Variants in FGF14 observed in about 807,000 individuals in gnomAD.
FGF14 encodes fibroblast growth factor homologous factor 4.
A neutral mutation model predicts 25.5 loss-of-function variants in FGF14; 5 were observed. The observed-to-expected ratio is 0.20, with a 90% confidence interval of 0.10 to 0.41. The LOEUF is 0.41. Ranked by LOEUF, FGF14 falls within the 10% of genes least tolerant of loss-of-function variation. FGF14 has a pLI of 1.00. For missense variants in FGF14, 222 were observed against 320.1 expected, an observed-to-expected ratio of 0.69 and a Z score of 2.34; for synonymous variants, 138 against 118.3, an observed-to-expected ratio of 1.17 and a Z score of -1.08.
chr13:102,252,324 C>T lies in FGF14; in HGVS notation c.208+149147G>A, dbSNP rs145354822. ...CAGTATTCAGGTTTTGATTCTCCCA[C>T]TTAACTGCTGTACAACTTTGCTAAG... is the stretch of plus-strand genomic sequence containing the variant. On this transcript the variant is annotated intron_variant, in intron 1 of 4. Coordinates refer to the FGF14 transcript ENST00000376131. Among the ~76,000 whole-genome samples, 1,465 of 152,282 alleles carry T rather than the reference C, an allele frequency of 9.6e-3. 7 individuals are homozygous for T. Among genetic ancestry groups the T allele is most frequent in the Non-Finnish European group, 0.012 (790 of 68,030 alleles).
chr13:101,811,028 AT>A, intron 3 of FGF14, among the ~76,000 whole-genome samples: 1 of 61,930 alleles, frequency 1.6e-5, no homozygotes, highest in South Asian at 6.7e-4. Flanking sequence ...AAACACACAT[AT>A]CCGCCCCCCC....
intron 1 of FGF14, among the ~76,000 whole-genome samples, chr13:102,322,533 T>A (rs2056284506): frequency 6.6e-6 from 1 of 152,134 alleles, no homozygotes; most frequent in Non-Finnish European, 1.5e-5. Context: ...AAGATGCACA[T>A]AATCCTTAAA....
intron 3 of FGF14, among the ~76,000 whole-genome samples, chr13:101,732,205 A>G (rs1487585211): frequency 6.6e-6 from 1 of 152,118 alleles, no homozygotes; most frequent in Admixed American, 6.5e-5. Context: ...TAGCCCACCA[A>G]CTCCACTTAG....
intron 1 of FGF14, among the ~76,000 whole-genome samples, chr13:101,948,779 T>G (rs1435347311): frequency 6.6e-6 from 1 of 152,148 alleles, no homozygotes; most frequent in African/African-American, 2.4e-5. Flanking sequence ...TTTGCCAAAG[T>G]TTTTTAAAAT....
At chr13:101,757,504 A>C (rs1184406113) in intron 3 of FGF14, among the ~76,000 whole-genome samples, 1 of 152,216 alleles carries the variant, frequency 6.6e-6, no homozygotes, top group Non-Finnish European at 1.5e-5. Context: ...AGAAATTGAA[A>C]GTTATTAATT....
rs534024219 is a variant in FGF14, at chr13:102,274,910, T to G, written c.208+126561A>C. On this transcript the variant is annotated intron_variant, in intron 1 of 4. Transcript: ENST00000376131. ...CATTATTTAATAAATAATAAATAAT[T>G]ATTTATTAAATAATGACGAGTAAAA... 2.6e-5 allele frequency among the ~76,000 whole-genome samples: 4 copies of G among 151,254 alleles called. No individual in the cohort carries two copies. The East Asian group carries it at 5.8e-4, about 22-fold the overall frequency.
chr13:102,203,155 T>G (rs2049745049), intron 1 of FGF14, among the ~76,000 whole-genome samples: 1 of 152,208 alleles, frequency 6.6e-6, no homozygotes, highest in South Asian at 2.1e-4. Context: ...TGTTTTCCTT[T>G]GTTTTGATAG....
chr13:101,866,249 G>T (rs1004957322), intron 3 of FGF14, among the ~76,000 whole-genome samples: 4 of 151,902 alleles, frequency 2.6e-5, no homozygotes, highest in Admixed American at 1.3e-4. Flanking sequence ...TTCCCTAAAA[G>T]TTTTTCATTA....
chr13:102,361,204 AG>A (rs1242837049), intron 1 of FGF14, among the ~76,000 whole-genome samples: 2 of 152,176 alleles, frequency 1.3e-5, no homozygotes, highest in Admixed American at 1.3e-4. Context: ...TTCAAAGAAA[AG>A]CAAATGTCAT....
chr13:102,397,434 A>T (rs1396803838), intron 1 of FGF14, among the ~76,000 whole-genome samples: 2 of 152,170 alleles, frequency 1.3e-5, no homozygotes, highest in East Asian at 1.9e-4. Flanking sequence ...AAGAGAATTG[A>T]TGGAATGTTC....
chr13:101,834,366 T>C (rs2042819309), intron 3 of FGF14, among the ~76,000 whole-genome samples: 1 of 151,970 alleles, frequency 6.6e-6, no homozygotes, highest in South Asian at 2.1e-4. Flanking sequence ...ACATTCCAAA[T>C]CAAACCATCA....
chr13:101,843,092 T>G (rs2043271508), intron 3 of FGF14, among the ~76,000 whole-genome samples: 1 of 152,078 alleles, frequency 6.6e-6, no homozygotes, highest in African/African-American at 2.4e-5. Context: ...CATCTCTAAT[T>G]AGGGGTGACC....
At chr13:102,150,238 A>G (rs555257486) in intron 1 of FGF14, among the ~76,000 whole-genome samples, 1 of 151,918 alleles carries the variant, frequency 6.6e-6, no homozygotes, top group South Asian at 2.1e-4. Flanking sequence ...TCTAAAATCT[A>G]TGAAGCCCTA....
At chr13:102,258,561 C>T (rs1470578802) in intron 1 of FGF14, among the ~76,000 whole-genome samples, 1 of 152,084 alleles carries the variant, frequency 6.6e-6, no homozygotes, top group Non-Finnish European at 1.5e-5. Flanking sequence ...ATTTATTGCC[C>T]CCATACCTTC....
At chr13:101,893,898 G>A (rs997416117) in intron 1 of FGF14, among the ~76,000 whole-genome samples, 1 of 152,148 alleles carries the variant, frequency 6.6e-6, no homozygotes, top group African/African-American at 2.4e-5. Flanking sequence ...CACCTGACAA[G>A]ATTCTTAGCA....
chr13:101,979,983 G>A (rs951797486), intron 1 of FGF14, among the ~76,000 whole-genome samples: 3 of 152,124 alleles, frequency 2.0e-5, no homozygotes. Context: ...GAAAACAGCT[G>A]CCCACTCTCA....
At chr13:101,986,671 C>T (rs900588461) in intron 1 of FGF14, among the ~76,000 whole-genome samples, 1 of 152,060 alleles carries the variant, frequency 6.6e-6, no homozygotes, top group Non-Finnish European at 1.5e-5. Flanking sequence ...GAGCAAGTAG[C>T]ATCTTTGAGA....
chr13:101,769,733 C>T (rs2038638914), intron 3 of FGF14, among the ~76,000 whole-genome samples: 1 of 152,106 alleles, frequency 6.6e-6, no homozygotes, highest in Non-Finnish European at 1.5e-5. Context: ...ATGATTCCAA[C>T]TGCATGACAT....
chr13:102,153,418 T>C (rs2047178259), intron 1 of FGF14, among the ~76,000 whole-genome samples: 1 of 152,216 alleles, frequency 6.6e-6, no homozygotes, highest in African/African-American at 2.4e-5. Flanking sequence ...AATCTGGTAT[T>C]TGCTTCTTGC....
Sources: gnomAD v4.1 joint callset for allele counts (sites outside exome capture counted in the v4.1 genomes callset) on GRCh38, gnomAD v4.1.1 for gene constraint, MANE v1.5 for transcripts, NCBI Gene and HGNC (gene_info 2026-07-23, HGNC 2026-07-21) for gene names.